Variants in RBFOX2 observed in about 807,000 individuals in gnomAD.
RBFOX2 encodes the protein RNA binding fox-1 homolog 2.
In RBFOX2, 10 loss-of-function variants were observed where a neutral mutation model predicts 49.1. The ratio of observed to expected loss-of-function variants is 0.20; its 90% CI spans 0.13 to 0.35. The LOEUF (loss-of-function observed/expected upper bound fraction) is 0.35. Ranked by LOEUF, RBFOX2 falls within the 10% of genes least tolerant of loss-of-function variation. The pLI is 1.00. For missense variants in RBFOX2, 323 were observed against 486.9 expected (o/e 0.66, Z 3.17); for synonymous variants, 183 against 187.4 (o/e 0.98, Z 0.19).
chr22:35,820,920 C>T (rs532300311), intron 1 of RBFOX2, among the ~76,000 whole-genome samples: 16 of 152,138 alleles, frequency 1.1e-4, no homozygotes, highest in African/African-American at 3.1e-4. Context: ...ATAGCCACAG[C>T]GAGATATAGA....
chr22:35,873,175 G>A (rs1198090875), intron 1 of RBFOX2, among the ~76,000 whole-genome samples: 1 of 151,994 alleles, frequency 6.6e-6, no homozygotes, highest in Admixed American at 6.6e-5. Context: ...CAGTCTTGCT[G>A]TCACCTAGTG....
chr22:35,862,303 T>C (rs1386806622), intron 1 of RBFOX2, among the ~76,000 whole-genome samples: 1 of 151,610 alleles, frequency 6.6e-6, no homozygotes, highest in East Asian at 1.9e-4. Flanking sequence ...CATCGAGTTG[T>C]TAAAAAATTA....
chr22:35,780,622 T>C (rs1310153823), intron 3 of RBFOX2, among the ~76,000 whole-genome samples: 1 of 152,220 alleles, frequency 6.6e-6, no homozygotes, highest in African/African-American at 2.4e-5. Flanking sequence ...CTTGACACTG[T>C]GCAGTATGAG....
chr22:35,957,094 A>G (rs572257150), intron 1 of RBFOX2, among the ~76,000 whole-genome samples: 4 of 152,326 alleles, frequency 2.6e-5, no homozygotes, highest in African/African-American at 7.2e-5. Flanking sequence ...GGGAAAGTAC[A>G]GTTATTAGAA....
chr22:35,933,953 T>TATATATATACAC (rs1009021083), intron 1 of RBFOX2, among the ~76,000 whole-genome samples: 193 of 141,070 alleles, frequency 1.4e-3, no homozygotes, highest in African/African-American at 5.1e-3. Context: ...TATATATATA[T>TATATATATACAC]ACACACATCA....
chr22:35,872,954 A>C (rs1261862944), intron 1 of RBFOX2, among the ~76,000 whole-genome samples: 8 of 151,700 alleles, frequency 5.3e-5, no homozygotes, highest in Non-Finnish European at 1.0e-4. Flanking sequence ...CACTTCCCTG[A>C]CCCCCTCCCG....
At chr22:35,802,905 C>A (rs1398638513) in intron 2 of RBFOX2, among the ~76,000 whole-genome samples, 1 of 152,200 alleles carries the variant, frequency 6.6e-6, no homozygotes, top group East Asian at 1.9e-4. Flanking sequence ...ACTGGCTGAA[C>A]TTTCCATGCA....
rs1204435210 is a variant in RBFOX2 at position 35,794,973 on chromosome 22, CTGAAAGGATGTCT to C, written c.253-13240_253-13228del. On this transcript the variant is annotated intron_variant, in intron 2 of 11. Coordinates refer to ENST00000405409, the Ensembl canonical transcript of RBFOX2. ...ATGGAGTTAGCAATATTAACATGTG[CTGAAAGGATGTCT>C]TGAGTCTTATATGATCCAAAGGGCA... Among the ~76,000 whole-genome samples, 3 of 152,112 alleles carry C rather than the reference CTGAAAGGATGTCT, an allele frequency of 2.0e-5. No individual in the cohort carries two copies. The East Asian group carries it at 5.8e-4, about 29-fold the overall frequency.
exon 1 of RBFOX2, chr22:35,840,509 C>T: frequency 7.0e-6 from 9 of 1,290,502 alleles, no homozygotes; most frequent in Non-Finnish European, 8.9e-6. Flanking sequence ...CAGAGTAGAG[C>T]CCCACCTCTT....
exon 1 of RBFOX2, chr22:35,840,258 TGCTG>T (rs1273123987): frequency 6.2e-7 from 1 of 1,614,072 alleles, no homozygotes; most frequent in Admixed American, 1.7e-5. Flanking sequence ...AAAGCAGCCG[TGCTG>T]GGGCACACCT....
intron 1 of RBFOX2, among the ~76,000 whole-genome samples, chr22:35,919,524 C>T (rs1367727368): frequency 6.8e-6 from 1 of 146,434 alleles, no homozygotes; most frequent in East Asian, 2.0e-4. Context: ...CAGAGTGAGA[C>T]TGTCTCAAAA....
intron 2 of RBFOX2, among the ~76,000 whole-genome samples, chr22:35,805,270 A>G (rs1482949763): frequency 6.8e-6 from 1 of 147,210 alleles, no homozygotes; most frequent in African/African-American, 2.5e-5. Context: ...AGCCTGGGCG[A>G]CAGAGCGAGA....
At chr22:35,819,651 G>A (rs947471966) in intron 1 of RBFOX2, among the ~76,000 whole-genome samples, 2 of 151,726 alleles carry the variant, frequency 1.3e-5, no homozygotes, top group African/African-American at 2.4e-5. Flanking sequence ...TATTTATTGA[G>A]TATCTATCAT....
chr22:35,872,545 T>C (rs1197037990), intron 1 of RBFOX2, among the ~76,000 whole-genome samples: 2 of 152,210 alleles, frequency 1.3e-5, no homozygotes, highest in Non-Finnish European at 2.9e-5. Context: ...TCCACCAATG[T>C]GGGAGCCAGA....
chr22:35,809,783 A>C, exon 2 of RBFOX2: 1 of 1,613,412 alleles, frequency 6.2e-7, no homozygotes, highest in Non-Finnish European at 8.5e-7. Context: ...CACGTACCGT[A>C]AGAGATCCAT....
At chr22:35,871,541 G>A (rs564100923) in intron 1 of RBFOX2, among the ~76,000 whole-genome samples, 1 of 152,316 alleles carries the variant, frequency 6.6e-6, no homozygotes, top group African/African-American at 2.4e-5. Flanking sequence ...GATCCAAATG[G>A]TCAGGTCTTA....
chr22:35,897,707 A>G (rs1171179651), intron 1 of RBFOX2: 1 of 971,468 alleles, frequency 1.0e-6, no homozygotes, highest in Non-Finnish European at 1.7e-6. Flanking sequence ...ACTGCCTTCC[A>G]GCCCAAGGAA....
At chr22:35,886,677 C>A (rs2046618783) in intron 1 of RBFOX2, among the ~76,000 whole-genome samples, 1 of 152,140 alleles carries the variant, frequency 6.6e-6, no homozygotes, top group Admixed American at 6.5e-5. Flanking sequence ...AGAGAAGGGA[C>A]AGTAAAGATA....
intron 1 of RBFOX2, among the ~76,000 whole-genome samples, chr22:36,015,532 T>C (rs2059000486): frequency 6.6e-6 from 1 of 152,226 alleles, no homozygotes; most frequent in Non-Finnish European, 1.5e-5. Context: ...TTAAGCTTTG[T>C]GGATGTTGGG....
Sources: gnomAD v4.1 joint callset for allele counts (sites outside exome capture counted in the v4.1 genomes callset) on GRCh38, gnomAD v4.1.1 for gene constraint, MANE v1.5 for transcripts, NCBI Gene and HGNC (gene_info 2026-07-23, HGNC 2026-07-21) for gene names.